Variants in PALLD observed in about 807,000 individuals in gnomAD.
PALLD encodes the protein palladin, cytoskeletal associated protein.
PALLD carries 61 observed loss-of-function variants against 123.5 expected under a neutral mutation model. That is an observed-to-expected ratio of 0.49 (90% confidence interval 0.40 to 0.61). PALLD has a LOEUF of 0.61. Ranked by LOEUF, PALLD falls within the 20% of genes least tolerant of loss-of-function variation. PALLD has a pLI of 0.00. For synonymous variants in PALLD, 465 were observed against 496.4 expected (o/e 0.94, Z 0.84); for missense variants, 1,273 against 1,377.0 (o/e 0.92, Z 1.20).
chr4:168,857,554 C>T (rs1333840603), intron 10 of PALLD, among the ~76,000 whole-genome samples: 2 of 152,156 alleles, frequency 1.3e-5, no homozygotes, highest in Admixed American at 6.5e-5. Context: ...TTTTATTTTA[C>T]GTGTACACAT....
chr4:168,608,138 A>G (rs1773370032), intron 2 of PALLD, among the ~76,000 whole-genome samples: 1 of 152,236 alleles, frequency 6.6e-6, no homozygotes, highest in Admixed American at 6.5e-5. Flanking sequence ...GCTGTAGAGC[A>G]GGGTCGCATT....
At chr4:168,668,415 C>G in intron 3 of PALLD, 47 bp downstream of exon 3, 1 of 1,468,486 alleles carries the variant, frequency 6.8e-7, no homozygotes, top group Non-Finnish European at 9.3e-7. Flanking sequence ...TGTCAATGGT[C>G]TAATGACTCC....
intron 2 of PALLD, among the ~76,000 whole-genome samples, chr4:168,618,689 T>C (rs1342482493): frequency 6.6e-6 from 1 of 152,190 alleles, no homozygotes; most frequent in Non-Finnish European, 1.5e-5. Context: ...ACTTAGTCCA[T>C]CATAGTCTGA....
chr4:168,604,765 A>C (rs2149738612), intron 2 of PALLD, among the ~76,000 whole-genome samples: 2 of 152,350 alleles, frequency 1.3e-5, no homozygotes, highest in East Asian at 3.9e-4. Flanking sequence ...TGACTCATCC[A>C]AAATTCCGAC....
chr4:168,838,927 A>G (rs1044528375), intron 10 of PALLD, among the ~76,000 whole-genome samples: 3 of 151,988 alleles, frequency 2.0e-5, no homozygotes, highest in Non-Finnish European at 4.4e-5. Flanking sequence ...TCTCATTCCC[A>G]TAACGGATTA....
intron 17 of PALLD, among the ~76,000 whole-genome samples, chr4:168,919,024 AAG>A (rs1186420180): frequency 9.9e-5 from 15 of 152,184 alleles, no homozygotes; most frequent in Admixed American, 2.6e-4. Flanking sequence ...TATAAAAAAT[AAG>A]AGAGTGACTA....
intron 2 of PALLD, among the ~76,000 whole-genome samples, chr4:168,630,944 C>A (rs1348189784): frequency 3.9e-5 from 6 of 152,190 alleles, no homozygotes; most frequent in African/African-American, 1.4e-4. Context: ...TGACATAATA[C>A]CGCAGAGAAA....
intron 2 of PALLD, among the ~76,000 whole-genome samples, chr4:168,530,059 C>T (rs1192863428): frequency 6.6e-6 from 1 of 152,122 alleles, no homozygotes; most frequent in African/African-American, 2.4e-5. Flanking sequence ...AGAACAATTA[C>T]ATACTGTAAA....
chr4:168,830,529 C>CAAAAA (rs5863962), intron 10 of PALLD, among the ~76,000 whole-genome samples: 1 of 145,708 alleles, frequency 6.9e-6, no homozygotes, highest in Non-Finnish European at 1.5e-5. Flanking sequence ...GACCCTGTCT[C>CAAAAA]AAAAAAAAAA....
intron 2 of PALLD, among the ~76,000 whole-genome samples, chr4:168,559,000 T>C (rs560384775): frequency 6.6e-6 from 1 of 152,332 alleles, no homozygotes. Flanking sequence ...TTGGAATGAA[T>C]AGATTATCCA....
At chr4:168,562,259 G>A (rs990752014) in intron 2 of PALLD, among the ~76,000 whole-genome samples, 7 of 152,116 alleles carry the variant, frequency 4.6e-5, no homozygotes, top group Non-Finnish European at 1.0e-4. Context: ...ACTGTACTAG[G>A]TGATTTACAT....
At chr4:168,767,504 T>C (rs1322447065) in intron 10 of PALLD, among the ~76,000 whole-genome samples, 2 of 152,204 alleles carry the variant, frequency 1.3e-5, no homozygotes, top group Non-Finnish European at 2.9e-5. Context: ...ATTCATGGTT[T>C]TCCTTACATA....
At chr4:168,806,088 A>T (rs1013532924) in intron 10 of PALLD, among the ~76,000 whole-genome samples, 2 of 151,976 alleles carry the variant, frequency 1.3e-5, no homozygotes, top group Admixed American at 6.6e-5. Context: ...TTTGAGTTGG[A>T]GTTTCACTCT....
chr4:168,923,666 G>GTAAT (rs2126554721), intron 18 of PALLD, among the ~76,000 whole-genome samples: 1 of 151,674 alleles, frequency 6.6e-6, no homozygotes, highest in South Asian at 2.1e-4. Context: ...AGTGGAATTT[G>GTAAT]TAATTTATAG....
Position 168,896,548 on chromosome 4 carries a change from G to T in PALLD, c.2200-1G>T. On this transcript the variant is annotated splice_acceptor_variant, in intron 12 of 21. Coordinates refer to ENST00000505667, the MANE Select transcript of PALLD (RefSeq NM_001166108.2). LOFTEE classifies it high-confidence loss of function. ...TCACATCTTTTTTTCTACCATTACA[G>T]GACATTGGTTCTCCTCATGCTTCTG... 6.8e-7 allele frequency: 1 copy of T among 1,480,850 alleles called. No homozygotes were observed. Among genetic ancestry groups the T allele is most frequent in the Non-Finnish European group, 9.1e-7 (1 of 1,095,914 alleles). The allele number at this position is 1,480,850 out of a possible 1,614,324, so 91.7% of individuals were successfully genotyped here. A position where few individuals can be genotyped will look rare whatever the true frequency, so the allele number is the denominator to read the frequency against.
At chr4:168,644,562 A>G (rs1421545520) in intron 2 of PALLD, among the ~76,000 whole-genome samples, 3 of 152,098 alleles carry the variant, frequency 2.0e-5, no homozygotes, top group Non-Finnish European at 4.4e-5. Context: ...CTGTGGCCCT[A>G]AGGGTTGACC....
At chr4:168,518,804 A>G (rs1008482562) in intron 2 of PALLD, among the ~76,000 whole-genome samples, 4 of 152,226 alleles carry the variant, frequency 2.6e-5, no homozygotes, top group African/African-American at 9.6e-5. Flanking sequence ...ACTAGAATAT[A>G]AAATCCTTGG....
chr4:168,831,100 A>G (rs1744142931), intron 10 of PALLD, among the ~76,000 whole-genome samples: 1 of 152,240 alleles, frequency 6.6e-6, no homozygotes, highest in Non-Finnish European at 1.5e-5. Flanking sequence ...AATTGTTGTG[A>G]CATGGTGTGC....
intron 10 of PALLD, among the ~76,000 whole-genome samples, chr4:168,789,976 T>G (rs1418860648): frequency 6.6e-6 from 1 of 152,064 alleles, no homozygotes; most frequent in African/African-American, 2.4e-5. Context: ...ATTTAAACGG[T>G]ATCTTCCTTT....
Sources: allele counts gnomAD v4.1 joint callset (sites outside exome capture counted in the v4.1 genomes callset), GRCh38; gene constraint gnomAD v4.1.1; transcripts MANE v1.5; gene names NCBI Gene and HGNC (gene_info 2026-07-23, HGNC 2026-07-21).